GHR: variants seen among roughly 807,000 people sequenced by gnomAD.
The protein encoded by GHR is GH receptor.
Under a neutral mutation model 67.1 loss-of-function variants are expected in GHR, and 35 were observed. The ratio of observed to expected loss-of-function variants is 0.52; its 90% confidence interval spans 0.40 to 0.69. The LOEUF is 0.69. GHR is among the 30% of genes least tolerant of loss of function. The pLI, the probability that GHR is intolerant of heterozygous loss-of-function variation, is 0.00. For missense variants in GHR, 792 were observed against 764.6 expected, an observed-to-expected ratio of 1.04 and a Z score of -0.42; for synonymous variants, 272 against 269.1, an observed-to-expected ratio of 1.01 and a Z score of -0.10.
chr5:42,699,388 C>A (rs1271866210), intron 5 of GHR, among the ~76,000 whole-genome samples: 1 of 152,152 alleles, frequency 6.6e-6, no homozygotes, highest in Admixed American at 6.5e-5. Context: ...CCAGGCCATA[C>A]ATAGTTGCAA....
chr5:42,544,493 CT>C (rs1748650442), intron 1 of GHR, among the ~76,000 whole-genome samples: 1 of 152,148 alleles, frequency 6.6e-6, no homozygotes, highest in African/African-American at 2.4e-5. Context: ...ACATTCTACC[CT>C]TCCATGTAGC....
At chr5:42,434,425 T>C (rs534581556) in intron 1 of GHR, among the ~76,000 whole-genome samples, 6 of 152,274 alleles carry the variant, frequency 3.9e-5, no homozygotes, top group African/African-American at 1.4e-4. Flanking sequence ...TATAAGAAAT[T>C]ATTGTGCCTC....
chr5:42,566,241 T>C (rs546180281), intron 2 of GHR, among the ~76,000 whole-genome samples: 2 of 152,324 alleles, frequency 1.3e-5, no homozygotes, highest in African/African-American at 4.8e-5. Context: ...GTTCTCAGGC[T>C]TTGGGAGAGA....
chr5:42,505,126 T>G (rs1746709142), intron 1 of GHR, among the ~76,000 whole-genome samples: 2 of 151,620 alleles, frequency 1.3e-5, no homozygotes, highest in South Asian at 2.1e-4. Context: ...TTGACTGTTT[T>G]TTTTTTTTTT....
intron 1 of GHR, among the ~76,000 whole-genome samples, chr5:42,507,391 T>C (rs1746824494): frequency 6.6e-6 from 1 of 152,222 alleles, no homozygotes; most frequent in Admixed American, 6.5e-5. Context: ...GACATGAATG[T>C]TAGTATATTC....
intron 1 of GHR, among the ~76,000 whole-genome samples, chr5:42,429,452 T>C (rs949710925): frequency 2.6e-5 from 4 of 152,210 alleles, no homozygotes; most frequent in African/African-American, 9.6e-5. Context: ...AACAAAAGAT[T>C]TATAATTTGT....
At chr5:42,593,052 A>G (rs768576590) in intron 2 of GHR, among the ~76,000 whole-genome samples, 16 of 152,176 alleles carry the variant, frequency 1.1e-4, no homozygotes, top group Non-Finnish European at 1.9e-4. Flanking sequence ...TTTGAAAAGT[A>G]TCTGTTCAGG....
At chr5:42,708,229 TA>T (rs1758276445) in intron 6 of GHR, among the ~76,000 whole-genome samples, 1 of 152,224 alleles carries the variant, frequency 6.6e-6, no homozygotes, top group Admixed American at 6.5e-5. Context: ...GTGAAAAGTT[TA>T]TTAAAATATT....
chr5:42,483,392 C>G (rs1450529186), intron 1 of GHR, among the ~76,000 whole-genome samples: 2 of 151,866 alleles, frequency 1.3e-5, no homozygotes, highest in Admixed American at 1.3e-4. Flanking sequence ...AATGAGAAAT[C>G]TGCCCAAGGA....
intron 3 of GHR, among the ~76,000 whole-genome samples, chr5:42,673,292 C>T (rs138776937): frequency 8.5e-4 from 129 of 152,214 alleles, no homozygotes; most frequent in African/African-American, 2.7e-3. Flanking sequence ...AAAAAGTGAA[C>T]GCTCATACAC....
At chr5:42,488,811 G>C (rs1207632482) in intron 1 of GHR, among the ~76,000 whole-genome samples, 1 of 152,134 alleles carries the variant, frequency 6.6e-6, no homozygotes, top group Non-Finnish European at 1.5e-5. Context: ...GCTAACATAT[G>C]GGTAGTGCTC....
Position 42,495,364 on chromosome 5 carries a change from C to T in GHR, c.-11-70500C>T, listed in dbSNP as rs114840112. Among the ~76,000 whole-genome samples the T allele has an allele frequency of 6.1e-3, 926 of 152,094 alleles. 8 individuals carry two copies. The highest frequency in any genetic ancestry group is 0.027 in the Middle Eastern group (8 of 294). ...AAGAGTGAATGTAACTTTTTGTCTC[C>T]ATCCCCTCAGTGATTCATTAATTAT... On this transcript the variant is annotated intron_variant, in intron 1 of 9. Coordinates refer to ENST00000230882, the MANE Select transcript of GHR (RefSeq NM_000163.5).
intron 3 of GHR, among the ~76,000 whole-genome samples, chr5:42,663,802 C>A (rs924612822): frequency 2.6e-5 from 4 of 152,204 alleles, no homozygotes; most frequent in South Asian, 2.1e-4. Flanking sequence ...AGGAAGTCAA[C>A]TTGTCCCTGT....
chr5:42,672,254 C>A (rs1257428933), intron 3 of GHR, among the ~76,000 whole-genome samples: 1 of 152,100 alleles, frequency 6.6e-6, no homozygotes, highest in Non-Finnish European at 1.5e-5. Flanking sequence ...CTAAAGGCTC[C>A]ACCAAAAAAG....
chr5:42,520,640 C>T (rs1213319887), intron 1 of GHR, among the ~76,000 whole-genome samples: 1 of 152,056 alleles, frequency 6.6e-6, no homozygotes, highest in Non-Finnish European at 1.5e-5. Context: ...AGAATGGGTA[C>T]TTTTTTTGTC....
chr5:42,580,496 A>G (rs988661225), intron 2 of GHR, among the ~76,000 whole-genome samples: 7 of 152,176 alleles, frequency 4.6e-5, no homozygotes, highest in Admixed American at 2.6e-4. Flanking sequence ...GATCTTTAAT[A>G]TTTTATATGA....
chr5:42,466,491 C>A (rs1167486372), intron 1 of GHR, among the ~76,000 whole-genome samples: 1 of 152,198 alleles, frequency 6.6e-6, no homozygotes, highest in African/African-American at 2.4e-5. Context: ...CTAGAATACA[C>A]GGTTCAACCA....
At chr5:42,542,086 G>A (rs1418223758) in intron 1 of GHR, among the ~76,000 whole-genome samples, 3 of 152,134 alleles carry the variant, frequency 2.0e-5, no homozygotes, top group Non-Finnish European at 4.4e-5. Context: ...ATAATCCAGG[G>A]AATAACTATA....
Position 42,424,569 on chromosome 5 carries a change from A to T in GHR, c.-12+614A>T. 1 of 1,534,174 alleles carries T rather than the reference A, an allele frequency of 6.5e-7. No homozygotes were observed. The highest frequency in any genetic ancestry group is 8.7e-7 in the Non-Finnish European group (1 of 1,145,656). Reference sequence around the variant, plus strand: ...GCACCGATGGAACTGGGGTCAGTAGAGTGACAGCCACCAGTCCGCATGAAC... The same window carrying T: ...GCACCGATGGAACTGGGGTCAGTAGTGTGACAGCCACCAGTCCGCATGAAC... On this transcript the variant is annotated intron_variant, in intron 1 of 9. Coordinates refer to ENST00000230882, the MANE Select transcript of GHR (RefSeq NM_000163.5). This position sits in a 1 kb window ranked among gnomAD's most constrained non-coding sequence, Gnocchi z 4.1.
Sources: gnomAD v4.1 joint callset for allele counts (sites outside exome capture counted in the v4.1 genomes callset) on GRCh38, gnomAD v4.1.1 for gene constraint, Gnocchi (gnomAD v3.1) non-coding constraint, MANE v1.5 for transcripts, NCBI Gene and HGNC (gene_info 2026-07-23, HGNC 2026-07-21) for gene names.